Variants in KIFC2 observed in about 807,000 individuals in gnomAD.
The protein encoded by KIFC2 is kinesin-like protein KIFC2.
KIFC2 carries 94 observed loss-of-function variants against 91.5 expected under a neutral mutation model. The observed-to-expected ratio is 1.03, with a 90% CI of 0.87 to 1.22. The LOEUF is 1.22. Among genes scored for constraint, KIFC2 ranks in the 50% most tolerant of loss-of-function variants. KIFC2 has a pLI of 0.00. For synonymous variants in KIFC2, 729 were observed against 503.9 expected (o/e 1.45, Z -5.98); for missense variants, 1,357 against 1,103.3 (o/e 1.23, Z -3.26).
rs1347289704 is a variant in KIFC2, at chr8:144,472,855, G to A, written c.1922G>A (p.Gly641Asp). ...CGCGCACGGAAGGCAGGGGCGGCCG[G>A]CCCGCCGCGGGGAGACCCAGACGGC... ...SERARKAGAA[G>D]PPRGDPDGAR... is the part of the protein sequence containing the mutation. Residue 641 changes from glycine (G) to aspartate (D), a missense_variant, in exon 17 of 18, where the codon GGC (glycine) becomes GAC (aspartate). Coordinates refer to ENST00000645548, the MANE Select transcript of KIFC2 (RefSeq NM_001369769.2). The A allele has an allele frequency of 1.3e-6, 2 of 1,546,870 alleles. No individual in the cohort carries two copies. The highest frequency in any genetic ancestry group is 1.7e-6 in the Non-Finnish European group (2 of 1,159,308).
Position 144,468,801 on chromosome 8 carries a change from C to A in KIFC2, c.1080C>A (p.Ser360Arg), listed in dbSNP as rs760732122. The A allele has an allele frequency of 1.2e-6, 2 of 1,613,884 alleles. No individual in the cohort carries two copies. Among genetic ancestry groups the A allele is most frequent in the Admixed American group, 3.3e-5 (2 of 60,000 alleles). The stretch of plus-strand genomic sequence containing the variant: ...GTTTGGTCAGCACCTTTACCCAGAG[C>A]TGTCAGGGTTCGCTGAGTGAGGCCC... ...LRGLVSTFTQ[S>R]CQGSLSEARG... The change falls in exon 10 of 18, where the codon AGC (serine) becomes AGA (arginine). Residue 360 changes from serine to arginine, a missense_variant. Physicochemically the swap from Ser to Arg is moderately radical, Grantham distance 110. Coordinates refer to ENST00000645548, the MANE Select transcript of KIFC2 (RefSeq NM_001369769.2).
At position 144,473,009 on chromosome 8, in the gene KIFC2, G is replaced by C; in HGVS notation, c.2076G>C (p.Gln692His). The C allele has an allele frequency of 7.0e-7, 1 of 1,425,700 alleles. No homozygotes were observed. Among genetic ancestry groups the C allele is most frequent in the Non-Finnish European group, 9.1e-7 (1 of 1,097,288 alleles). 88.3% of individuals were successfully genotyped at this position (1,425,700 alleles called of 1,614,324 possible). A position where few individuals can be genotyped will look rare whatever the true frequency, so the allele number is the denominator to read the frequency against. ...ACTCGCAGCTCACGCGACTGCTGCA[G>C]CCGGCGCTGGGCCCAGGCACCACCG... is the stretch of plus-strand genomic sequence containing the variant. ...FRDSQLTRLL[Q>H]PALGPGTTAV... The change falls in exon 17 of 18, where the codon CAG (glutamine) becomes CAC (histidine). Residue 692 changes from glutamine (Q) to histidine (H), a missense_variant. Gln to His is a conservative substitution (Grantham distance 24). Transcript: ENST00000645548.
Position 144,472,961 on chromosome 8 carries a change from C to A in KIFC2, c.2028C>A (p.His676Gln), listed in dbSNP as rs746560226. 6.6e-5 allele frequency: 97 copies of A among 1,465,718 alleles called. No homozygotes were observed. Among genetic ancestry groups the A allele is most frequent in the Non-Finnish European group, 8.2e-5 (92 of 1,116,848 alleles). The allele number at this position is 1,465,718 out of a possible 1,614,324, so 90.8% of individuals were successfully genotyped here. A position where few individuals can be genotyped will look rare whatever the true frequency, so the allele number is the denominator to read the frequency against. The change falls in exon 17 of 18, where the codon CAC becomes CAA. Residue 676 changes from histidine to glutamine, a missense_variant. By Grantham distance (24) the His-to-Gln change is conservative. Coordinates refer to ENST00000645548, the MANE Select transcript of KIFC2 (RefSeq NM_001369769.2). ...GCGTGATGGCCGCACTGCGGGCCCA[C>A]CGGCCGCACGTGCCCTTCCGCGACT... ...LGGVMAALRA[H>Q]RPHVPFRDSQ...
chr8:144,466,083 G>A (rs1165474749), upstream of KIFC2: 1 of 153,200 alleles, frequency 6.5e-6, no homozygotes, highest in Non-Finnish European at 1.5e-5. Context: ...GCGTGTTGAA[G>A]GCTCCGCGAA....
intron 10 of KIFC2, 84 bp downstream of exon 10, chr8:144,468,918 C>CCCCCA: frequency 8.6e-7 from 1 of 1,163,640 alleles, no homozygotes; most frequent in Non-Finnish European, 1.3e-6. Flanking sequence ...GGGGAGTTGG[C>CCCCCA]TGTACTAATA....
In KIFC2 at chr8:144,468,950, C is replaced by T. The variant is rs1466661794; in HGVS notation, c.1113+116C>T. 21 of 808,210 alleles carry T rather than the reference C, an allele frequency of 2.6e-5. 1 individual carries two copies. The South Asian group carries it at 3.5e-4, about 13-fold the overall frequency. 50.1% of individuals were successfully genotyped at this position (808,210 alleles called of 1,614,324 possible). On this transcript the variant is annotated intron_variant, in intron 10 of 17. Transcript: ENST00000645548. ...AATAAGTGGGGCTCTGGAACCCAAA[C>T]AGCTTCTGTGTGACCCAGGGTGGGA... is the stretch of plus-strand genomic sequence containing the variant.
Position 144,472,788 on chromosome 8 carries a change from C to CCT in KIFC2, c.1862-4_1862-3dup. The CCT allele has an allele frequency of 6.3e-7, 1 of 1,591,140 alleles. No homozygotes were observed. The highest frequency in any genetic ancestry group is 1.3e-5 in the African/African-American group (1 of 74,418). The stretch of plus-strand genomic sequence containing the variant: ...TTCCCCCATGTCGGGCTCGCTCGCC[C>CCT]CTCTAGGCACGCTGCACCTGGTGGA... On this transcript the variant is annotated splice_region_variant and splice_polypyrimidine_tract_variant and intron_variant, in intron 16 of 17. Coordinates refer to ENST00000645548, the MANE Select transcript of KIFC2 (RefSeq NM_001369769.2).
chr8:144,473,967 G>A lies in KIFC2; in HGVS notation c.*578G>A, dbSNP rs1377945697. 9.5e-6 allele frequency: 5 copies of A among 527,418 alleles called. No homozygotes were observed. Among genetic ancestry groups the A allele is most frequent in the African/African-American group, 5.7e-5 (3 of 52,786 alleles). The allele number at this position is 527,418 out of a possible 1,614,324, so 32.7% of individuals were successfully genotyped here. On this transcript the variant is annotated 3_prime_UTR_variant, in exon 18 of 18. Coordinates refer to ENST00000645548, the MANE Select transcript of KIFC2 (RefSeq NM_001369769.2). ...GATGGGTAGTGGGCTGAGAAGAGGG[G>A]ACTAGGAAGGGCTATTCCAGGCTCA...
Position 144,469,299 on chromosome 8 carries a change from C to T in KIFC2, c.1142C>T (p.Ser381Phe), listed in dbSNP as rs753472719. The T allele has an allele frequency of 3.7e-6, 6 of 1,603,112 alleles. No homozygotes were observed. The highest frequency in any genetic ancestry group is 4.5e-5 in the East Asian group (2 of 44,586). The change falls in exon 11 of 18, where the codon TCT (serine) becomes TTT (phenylalanine). Residue 381 changes from serine (S) to phenylalanine (F), a missense_variant. Ser to Phe is a radical substitution (Grantham distance 155). Transcript: ENST00000645548. ...QVSWALGALS[S>F]GGPGTQLPEG... ...TCCTGGGCCTTGGGGGCACTGTCATCTGGAGGGCCTGGCACTCAGCTCCCT... is the reference window on the plus strand; with the variant it reads ...TCCTGGGCCTTGGGGGCACTGTCATTTGGAGGGCCTGGCACTCAGCTCCCT...
rs1168940144 is a variant in KIFC2, at chr8:144,467,473, AC to A, written c.470-9del. ...GACCTCTTCAGTGCTAACTGGGCCC[AC>A]CCTACTCCAGGATCCACATCCCAAG... On this transcript the variant is annotated splice_polypyrimidine_tract_variant and intron_variant, in intron 4 of 17. Coordinates refer to ENST00000645548, the MANE Select transcript of KIFC2 (RefSeq NM_001369769.2). 2 of 1,552,054 alleles carry A rather than the reference AC, an allele frequency of 1.3e-6. No homozygotes were observed. The highest frequency in any genetic ancestry group is 1.4e-5 in the African/African-American group (1 of 72,664).
In KIFC2 at chr8:144,468,765, G is replaced by A. The variant is rs968213893; in HGVS notation, c.1044G>A (p.Gly348=). The change falls in exon 10 of 18, where the codon GGG becomes GGA. Residue 348 remains glycine (G), a synonymous_variant. Transcript: ENST00000645548. ...TGGCCAGCCTGCGTCAGGGCTGCGG[G>A]GACCTCCGAGGTTTGGTCAGCACCT... ...ARMASLRQGC[G]DLRGLVSTFT... is the part of the protein sequence containing the mutation. 1 of 1,613,948 alleles carries A rather than the reference G, an allele frequency of 6.2e-7. No individual in the cohort carries two copies. Among genetic ancestry groups the A allele is most frequent in the African/African-American group, 1.3e-5 (1 of 74,916 alleles).
intron 7 of KIFC2, 83 bp from the exon 8 acceptor site, chr8:144,468,246 C>CTCTTGACTTGACTTTCCCA (rs1824768451): frequency 7.7e-7 from 1 of 1,304,068 alleles, no homozygotes; most frequent in African/African-American, 1.5e-5. Flanking sequence ...CTCTGCCCAC[C>CTCTTGACTTGACTTTCCCA]TCTTGACTTG....
intron 12 of KIFC2, among the ~76,000 whole-genome samples, chr8:144,470,382 C>T (rs1824878597): frequency 6.6e-6 from 1 of 152,256 alleles, no homozygotes; most frequent in Non-Finnish European, 1.5e-5. Flanking sequence ...GGACAGCCGT[C>T]CTGGACAGGG....
intron 4 of KIFC2, 68 bp downstream of exon 4, chr8:144,467,409 C>T (rs982111442): frequency 5.2e-6 from 8 of 1,544,960 alleles, no homozygotes; most frequent in South Asian, 3.8e-5. Flanking sequence ...CCTGGGCGGC[C>T]TGGAGTTCGG....
In KIFC2 at chr8:144,469,476, G is replaced by C. The variant is rs1824840000; in HGVS notation, c.1223-14G>C. 1.2e-6 allele frequency: 2 copies of C among 1,613,942 alleles called. No individual in the cohort carries two copies. The highest frequency in any genetic ancestry group is 4.5e-5 in the East Asian group (2 of 44,886). ...GGTCTGCGAGGCATTATGCTGACCTGATCCCCACTGCAGGAAATATCCGTG... is the reference window on the plus strand; with the variant it reads ...GGTCTGCGAGGCATTATGCTGACCTCATCCCCACTGCAGGAAATATCCGTG... On this transcript the variant is annotated splice_polypyrimidine_tract_variant and intron_variant, in intron 11 of 17. Coordinates refer to ENST00000645548, the MANE Select transcript of KIFC2 (RefSeq NM_001369769.2).
Position 144,472,552 on chromosome 8 carries a change from ACCAGC to A in KIFC2, c.1732-22_1732-18del, listed in dbSNP as rs1177814467. ...CTTGGGGGCGGGGACCCTGCACCTG[ACCAGC>A]CCTTCGCCCCGCCTTCCAGATGCTG... On this transcript the variant is annotated intron_variant, in intron 15 of 17. Transcript: ENST00000645548. The A allele has an allele frequency of 1.2e-6, 2 of 1,611,954 alleles. No homozygotes were observed. Among genetic ancestry groups the A allele is most frequent in the Admixed American group, 1.7e-5 (1 of 59,976 alleles).
chr8:144,471,849 A>C, intron 12 of KIFC2, 93 bp from the exon 13 acceptor site: 1 of 1,105,948 alleles, frequency 9.0e-7, no homozygotes, highest in Non-Finnish European at 1.4e-6. Context: ...GGCTCTGCTC[A>C]CACCTGCCTT....
In KIFC2 at chr8:144,466,989, G is replaced by A; in HGVS notation, c.209G>A (p.Gly70Asp). Residue 70 changes from glycine (G) to aspartate (D), a missense_variant, in exon 3 of 18, where the codon GGC becomes GAC. By Grantham distance (94) the Gly-to-Asp change is moderately conservative. Transcript: ENST00000645548. Reference protein sequence around the residue: ...ASSEPEDGSEGAAEGRAAAVS... With the variant: ...ASSEPEDGSEDAAEGRAAAVS... ...TCCGAGCCTGAGGATGGGTCGGAAG[G>A]CGCAGCCGAGGGCCGCGCGGCCGCG... 2 of 1,596,938 alleles carry A rather than the reference G, an allele frequency of 1.3e-6. No individual in the cohort carries two copies. The highest frequency in any genetic ancestry group is 1.1e-5 in the South Asian group (1 of 90,028).
intron 7 of KIFC2, 128 bp from the exon 8 acceptor site, chr8:144,468,201 C>A: frequency 9.7e-7 from 1 of 1,034,038 alleles, no homozygotes; most frequent in Non-Finnish European, 1.4e-6. Context: ...GGAAGGAGGT[C>A]TGCGTGGAGC....
Sources: allele counts gnomAD v4.1 joint callset (sites outside exome capture counted in the v4.1 genomes callset), GRCh38; gene constraint gnomAD v4.1.1; transcripts MANE v1.5; gene names NCBI Gene and HGNC (gene_info 2026-07-23, HGNC 2026-07-21).